Variants in CDKAL1 observed in about 807,000 individuals in gnomAD.
CDKAL1 encodes the protein CDKAL1 threonylcarbamoyladenosine tRNA methylthiotransferase, also known as threonylcarbamoyladenosine tRNA methylthiotransferase.
CDKAL1 carries 32 observed loss-of-function variants against 68.2 expected under a neutral mutation model. The observed-to-expected ratio is 0.47, with a 90% CI of 0.35 to 0.63. The LOEUF is 0.63. Ranked by LOEUF, CDKAL1 falls within the 30% of genes least tolerant of loss-of-function variation. The probability of loss-of-function intolerance (pLI) is 0.00; values close to 1 mark genes in which losing one functional copy is unlikely to be tolerated. For missense variants in CDKAL1, 606 were observed against 696.7 expected (o/e 0.87, Z 1.47); for synonymous variants, 234 against 244.3 (o/e 0.96, Z 0.39).
chr6:20,646,900 C>T (rs925463084), intron 4 of CDKAL1, among the ~76,000 whole-genome samples: 21 of 152,142 alleles, frequency 1.4e-4, no homozygotes, highest in South Asian at 1.0e-3. Context: ...CCCGCCCCCA[C>T]GCCCGGCTAA....
intron 11 of CDKAL1, among the ~76,000 whole-genome samples, chr6:21,012,843 G>A (rs946447287): frequency 3.4e-4 from 52 of 152,112 alleles, no homozygotes; most frequent in African/African-American, 1.1e-3. Flanking sequence ...CATGAGCCCC[G>A]GCAATTGCTT....
chr6:20,730,503 A>G (rs1447955240), intron 5 of CDKAL1, among the ~76,000 whole-genome samples: 1 of 111,348 alleles, frequency 9.0e-6, no homozygotes, highest in African/African-American at 3.0e-5. Context: ...GAAAAGAAAG[A>G]AAGAAAGAAA....
intron 5 of CDKAL1, among the ~76,000 whole-genome samples, chr6:20,659,859 A>G (rs533199659): frequency 1.3e-5 from 2 of 152,250 alleles, no homozygotes; most frequent in Admixed American, 6.5e-5. Flanking sequence ...TTAGTGTAAC[A>G]AGGGTTTTTA....
At chr6:21,088,281 C>T (rs987123509) in intron 12 of CDKAL1, among the ~76,000 whole-genome samples, 3 of 152,148 alleles carry the variant, frequency 2.0e-5, no homozygotes, top group African/African-American at 7.2e-5. Context: ...GGCAAGAGAC[C>T]ACTGCACAAT....
intron 13 of CDKAL1, among the ~76,000 whole-genome samples, chr6:21,168,381 T>A (rs1777236012): frequency 1.3e-5 from 2 of 152,226 alleles, no homozygotes. Flanking sequence ...TCAAGCAGCC[T>A]AGAAAGACAA....
chr6:20,794,054 C>T (rs576282620), intron 8 of CDKAL1, among the ~76,000 whole-genome samples: 57 of 151,716 alleles, frequency 3.8e-4, no homozygotes, highest in Non-Finnish European at 4.7e-4. Flanking sequence ...AGATCCTAGA[C>T]GGCTTTAATT....
chr6:20,962,114 A>C (rs2150738855), intron 10 of CDKAL1, among the ~76,000 whole-genome samples: 1 of 152,334 alleles, frequency 6.6e-6, no homozygotes, highest in South Asian at 2.1e-4. Flanking sequence ...CCTATATTCA[A>C]ATTATAATAA....
At chr6:20,676,204 A>G (rs1201035761) in intron 5 of CDKAL1, among the ~76,000 whole-genome samples, 1 of 152,186 alleles carries the variant, frequency 6.6e-6, no homozygotes, top group African/African-American at 2.4e-5. Context: ...TTATTGAAAT[A>G]TATAATTTTT....
chr6:21,027,812 A>T (rs1471667409), intron 11 of CDKAL1, among the ~76,000 whole-genome samples: 1 of 152,224 alleles, frequency 6.6e-6, no homozygotes. Context: ...ACAGGCTAAT[A>T]TAAGTGGGGA....
intron 4 of CDKAL1, among the ~76,000 whole-genome samples, chr6:20,602,146 G>A (rs1276743863): frequency 6.6e-6 from 1 of 152,100 alleles, no homozygotes. Context: ...TTTTGTAGAT[G>A]CAAAAACCAA....
At chr6:20,797,135 A>G (rs1776140675) in intron 8 of CDKAL1, among the ~76,000 whole-genome samples, 1 of 152,218 alleles carries the variant, frequency 6.6e-6, no homozygotes, top group African/African-American at 2.4e-5. Context: ...TACACAGCAT[A>G]GGACTTGTAT....
intron 12 of CDKAL1, among the ~76,000 whole-genome samples, chr6:21,079,636 G>C (rs1582155223): frequency 6.6e-6 from 1 of 152,200 alleles, no homozygotes; most frequent in African/African-American, 2.4e-5. Flanking sequence ...TGGTAGGCAA[G>C]AACATTTTAC....
Position 20,844,512 on chromosome 6 carries a change from G to A in CDKAL1, c.639-1563G>A, listed in dbSNP as rs144471431. ...GGTGGATTCTTGTCTGTAAGATCAA[G>A]ATAGGGAAACCCAACTCTGAAAGGG... is the stretch of plus-strand genomic sequence containing the variant. On this transcript the variant is annotated intron_variant, in intron 8 of 15. Transcript: ENST00000274695. Among the ~76,000 whole-genome samples, 61 of 152,044 alleles carry A rather than the reference G, an allele frequency of 4.0e-4. No homozygotes were observed. The East Asian group carries it at 0.01, about 26-fold the overall frequency.
intron 9 of CDKAL1, among the ~76,000 whole-genome samples, chr6:20,938,049 T>C (rs1291661077): frequency 6.6e-6 from 1 of 152,204 alleles, no homozygotes; most frequent in Non-Finnish European, 1.5e-5. Context: ...ATTAAAATTA[T>C]ATTATATGGA....
chr6:20,912,071 G>A (rs899782232), intron 9 of CDKAL1, among the ~76,000 whole-genome samples: 1 of 152,178 alleles, frequency 6.6e-6, no homozygotes, highest in Admixed American at 6.5e-5. Context: ...GGTGGTTGAT[G>A]TACCCAGGAT....
chr6:21,205,580 G>C (rs550173728), intron 15 of CDKAL1, among the ~76,000 whole-genome samples: 1 of 152,120 alleles, frequency 6.6e-6, no homozygotes, highest in Non-Finnish European at 1.5e-5. Flanking sequence ...GCCCAGGCTG[G>C]AGTGCAGTGG....
chr6:20,867,854 T>C (rs955592134), intron 9 of CDKAL1, among the ~76,000 whole-genome samples: 15 of 152,222 alleles, frequency 9.9e-5, no homozygotes, highest in African/African-American at 3.6e-4. Context: ...ACCTGTCACC[T>C]GGAATCGCCT....
At chr6:21,179,417 A>G (rs1777706160) in intron 13 of CDKAL1, among the ~76,000 whole-genome samples, 1 of 152,206 alleles carries the variant, frequency 6.6e-6, no homozygotes, top group Admixed American at 6.5e-5. Context: ...GAGGACACCT[A>G]TACAGGGGCA....
At position 20,548,564 on chromosome 6, in the gene CDKAL1, C is replaced by CA. The variant is rs1561916594; in HGVS notation, c.174-29_174-28insA. ...AAAAAAAATCACTCAATGAAACTTA[C>CA]TTTTTTTTTTTTATTGATTCCTTAA... On this transcript the variant is annotated intron_variant, in intron 3 of 15. Transcript: ENST00000274695. The CA allele has an allele frequency of 6.4e-5, 52 of 809,466 alleles. No homozygotes were observed. In the Admixed American group the frequency reaches 1.3e-3, roughly 20 times the overall value. 50.1% of individuals were successfully genotyped at this position (809,466 alleles called of 1,614,324 possible).
Sources: allele counts gnomAD v4.1 joint callset (sites outside exome capture counted in the v4.1 genomes callset), GRCh38; gene constraint gnomAD v4.1.1; transcripts MANE v1.5; gene names NCBI Gene and HGNC (gene_info 2026-07-23, HGNC 2026-07-21).